The following FLYWCH1 variants were observed in gnomAD, a reference collection of about 807,000 sequenced individuals.
FLYWCH1 encodes FLYWCH-type zinc finger 1.
Under a neutral mutation model 66.4 loss-of-function variants are expected in FLYWCH1, and 75 were observed. The observed-to-expected ratio is 1.13, with a 90% CI of 0.94 to 1.37. The LOEUF (loss-of-function observed/expected upper bound fraction) is 1.37, where lower values mean the gene tolerates loss of function less well. Ranked by LOEUF, FLYWCH1 falls within the 40% of genes most tolerant of loss-of-function variation. The pLI, the probability that FLYWCH1 is intolerant of heterozygous loss-of-function variation, is 0.00. For missense variants in FLYWCH1, 1,334 were observed against 1,001.8 expected, an observed-to-expected ratio of 1.33 and a Z score of -4.48; for synonymous variants, 595 against 429.9, an observed-to-expected ratio of 1.38 and a Z score of -4.75.
At chr16:2,929,470 A>G (rs1442593284) in intron 2 of FLYWCH1, 143 bp from the exon 3 acceptor site, 8 of 614,784 alleles carry the variant, frequency 1.3e-5, no homozygotes, top group East Asian at 2.8e-5. Context: ...GGCAGAGCAG[A>G]AGCCTAGTTC....
At position 2,930,763 on chromosome 16, in the gene FLYWCH1, G is replaced by A; in HGVS notation, c.679G>A (p.Glu227Lys). Residue 227 changes from glutamate to lysine, a missense_variant, in exon 4 of 10, where the codon GAG (glutamate) becomes AAG (lysine). Physicochemically the swap from Glu to Lys is moderately conservative, Grantham distance 56. Coordinates refer to ENST00000253928, the MANE Select transcript of FLYWCH1 (RefSeq NM_001308068.2). ...EGVGPWQCPE[E>K]PEPTPGLVLS... ...GGTGGGCCCGTGGCAGTGCCCTGAG[G>A]AGCCCGAGCCCACTCCTGGGCTGGT... 2 of 1,576,646 alleles carry A rather than the reference G, an allele frequency of 1.3e-6. No individual in the cohort carries two copies. Among genetic ancestry groups the A allele is most frequent in the East Asian group, 2.3e-5 (1 of 43,048 alleles).
chr16:2,913,670 A>G (rs1469440701), intron 1 of FLYWCH1, among the ~76,000 whole-genome samples: 1 of 152,160 alleles, frequency 6.6e-6, no homozygotes, highest in Non-Finnish European at 1.5e-5. Flanking sequence ...GTTCATTTTT[A>G]GAGTAAATTT....
At chr16:2,922,704 G>C in intron 2 of FLYWCH1, 1 of 493,224 alleles carries the variant, frequency 2.0e-6, no homozygotes, top group Non-Finnish European at 4.0e-6. Context: ...ATCCTGATCA[G>C]GAGCCAGTGG....
At chr16:2,939,954 C>G in intron 8 of FLYWCH1, 78 bp from the exon 9 acceptor site, 2 of 1,516,146 alleles carry the variant, frequency 1.3e-6, no homozygotes, top group Non-Finnish European at 1.8e-6. Context: ...GCGTCGTTAA[C>G]AAGGTGTGTG....
intron 4 of FLYWCH1, among the ~76,000 whole-genome samples, chr16:2,931,340 G>C (rs943456930): frequency 3.4e-5 from 5 of 148,010 alleles, no homozygotes; most frequent in Non-Finnish European, 6.0e-5. Flanking sequence ...ATACATAAAT[G>C]TGGGCTGGGC....
At chr16:2,943,644 CCCA>C in intron 9 of FLYWCH1, 1 of 152,194 alleles carries the variant, frequency 6.6e-6, no homozygotes. Flanking sequence ...CGTGAAAACC[CCCA>C]CAAGCAGGCC....
intron 9 of FLYWCH1, among the ~76,000 whole-genome samples, chr16:2,944,516 C>A (rs2071400051): frequency 6.6e-6 from 1 of 151,914 alleles, no homozygotes; most frequent in African/African-American, 2.4e-5. Context: ...TATACTCCTA[C>A]TTATTTAAAA....
chr16:2,933,882 T>C lies in FLYWCH1; in HGVS notation c.1416T>C (p.Thr472=), dbSNP rs1161561326. 3.8e-6 allele frequency: 6 copies of C among 1,594,774 alleles called. No individual in the cohort carries two copies. Among genetic ancestry groups the C allele is most frequent in the Non-Finnish European group, 5.1e-6 (6 of 1,171,114 alleles). The part of the protein sequence containing the change: ...SRAITQGRRV[T]VMRGHCHPPD... ...CCATCACCCAGGGCCGACGGGTGACTGTCATGCGTGGTCACTGCCACCCGC... is the reference window on the plus strand; with the variant it reads ...CCATCACCCAGGGCCGACGGGTGACCGTCATGCGTGGTCACTGCCACCCGC... Residue 472 remains threonine, a synonymous_variant, in exon 6 of 10, where the codon ACT becomes ACC. Coordinates refer to ENST00000253928, the MANE Select transcript of FLYWCH1 (RefSeq NM_001308068.2).
intron 7 of FLYWCH1, 38 bp from the exon 8 acceptor site, chr16:2,938,146 C>A: frequency 6.3e-7 from 1 of 1,596,074 alleles, no homozygotes; most frequent in South Asian, 1.1e-5. Flanking sequence ...CCACCCAGGC[C>A]CCTGTGGCCC....
intron 2 of FLYWCH1, 76 bp from the exon 3 acceptor site, chr16:2,929,537 C>A: frequency 9.4e-7 from 1 of 1,064,608 alleles, no homozygotes; most frequent in Middle Eastern, 3.1e-4. Flanking sequence ...CCCATCTGCC[C>A]CACCTCCCTC....
intron 7 of FLYWCH1, among the ~76,000 whole-genome samples, chr16:2,937,864 C>T (rs1453250746): frequency 6.6e-6 from 1 of 152,086 alleles, no homozygotes; most frequent in Admixed American, 6.5e-5. Flanking sequence ...TGGTGCCCAG[C>T]CCAGAAAGGC....
intron 7 of FLYWCH1, among the ~76,000 whole-genome samples, 186 bp downstream of exon 7, chr16:2,937,570 G>T (rs1452459565): frequency 6.6e-6 from 1 of 152,224 alleles, no homozygotes; most frequent in Non-Finnish European, 1.5e-5. Context: ...GGTCCTCTGG[G>T]TAGTGGGGAC....
Position 2,925,459 on chromosome 16 carries a change from G to T in FLYWCH1, c.-73-4154G>T, listed in dbSNP as rs1224335154. 2.0e-5 allele frequency among the ~76,000 whole-genome samples: 3 copies of T among 150,340 alleles called. No homozygotes were observed. In the East Asian group the frequency reaches 6.0e-4, roughly 30 times the overall value. ...ACCCAGTGCCATTCAGTCCCACTCA[G>T]TCCCACTCATCCCCATTCATCCCTG... On this transcript the variant is annotated intron_variant, in intron 2 of 9. Coordinates refer to ENST00000253928, the MANE Select transcript of FLYWCH1 (RefSeq NM_001308068.2).
At chr16:2,929,166 C>G (rs922117203) in intron 2 of FLYWCH1, among the ~76,000 whole-genome samples, 6 of 152,172 alleles carry the variant, frequency 3.9e-5, no homozygotes, top group Admixed American at 1.3e-4. Flanking sequence ...TGAGCAGAAA[C>G]GGGTCTCAGC....
chr16:2,930,078 C>G, intron 3 of FLYWCH1, 68 bp downstream of exon 3: 1 of 1,342,344 alleles, frequency 7.4e-7, no homozygotes, highest in Non-Finnish European at 1.0e-6. Context: ...AGGCCCTGTA[C>G]ACCCTGCTTC....
chr16:2,935,277 C>G (rs1419734749), intron 6 of FLYWCH1: 1 of 152,504 alleles, frequency 6.6e-6, no homozygotes, highest in African/African-American at 2.4e-5. Flanking sequence ...GGGGGGTGCT[C>G]TGTGGTCCCA....
intron 2 of FLYWCH1, among the ~76,000 whole-genome samples, chr16:2,926,876 A>T (rs771464834): frequency 6.6e-6 from 1 of 152,218 alleles, no homozygotes; most frequent in South Asian, 2.1e-4. Context: ...CGTGGTTCAG[A>T]TACCTGTAAC....
chr16:2,922,537 G>A (rs1447216144), intron 2 of FLYWCH1: 2 of 270,038 alleles, frequency 7.4e-6, no homozygotes, highest in Non-Finnish European at 1.4e-5. Flanking sequence ...ACTGCCCTGG[G>A]GACCTCATAC....
intron 2 of FLYWCH1, among the ~76,000 whole-genome samples, chr16:2,917,166 A>T (rs76229276): frequency 1.9e-4 from 14 of 72,044 alleles, no homozygotes; most frequent in African/African-American, 5.0e-4. Flanking sequence ...AAAAATAAAA[A>T]AAAGTAAAAA....
Sources: gnomAD v4.1 joint callset for allele counts (sites outside exome capture counted in the v4.1 genomes callset) on GRCh38, gnomAD v4.1.1 for gene constraint, MANE v1.5 for transcripts, NCBI Gene and HGNC (gene_info 2026-07-23, HGNC 2026-07-21) for gene names.